TAFA1: variants seen among roughly 807,000 people sequenced by gnomAD.
TAFA1 encodes TAFA chemokine like family member 1.
In TAFA1, 4 loss-of-function variants were observed where a neutral mutation model predicts 18.5. The ratio of observed to expected loss-of-function variants is 0.22; its 90% confidence interval spans 0.11 to 0.49. The LOEUF (loss-of-function observed/expected upper bound fraction) is 0.49. TAFA1 is among the 20% of genes least tolerant of loss of function. TAFA1 has a pLI of 0.98. For missense variants in TAFA1, 147 were observed against 169.0 expected, an observed-to-expected ratio of 0.87 and a Z score of 0.72; for synonymous variants, 56 against 55.2, an observed-to-expected ratio of 1.01 and a Z score of -0.06.
At chr3:68,267,893 C>T (rs1384381324) in intron 2 of TAFA1, among the ~76,000 whole-genome samples, 1 of 152,106 alleles carries the variant, frequency 6.6e-6, no homozygotes, top group African/African-American at 2.4e-5. Flanking sequence ...CTCTGCTAGA[C>T]AATTGTCAGA....
chr3:68,496,456 A>C (rs1431678072), intron 3 of TAFA1, among the ~76,000 whole-genome samples: 2 of 152,134 alleles, frequency 1.3e-5, no homozygotes, highest in Non-Finnish European at 2.9e-5. Flanking sequence ...TGAGAAGCCC[A>C]AGCCACCTGG....
chr3:68,196,220 C>G (rs985399949), intron 2 of TAFA1, among the ~76,000 whole-genome samples: 3 of 151,746 alleles, frequency 2.0e-5, no homozygotes, highest in Non-Finnish European at 3.0e-5. Context: ...TAACTTTCCC[C>G]TAAGTCTTCA....
rs528561242 is a variant in TAFA1 at position 68,486,102 on chromosome 3, G to GTTTTATTTTATTTTA, written c.260-52624_260-52610dup. Reference sequence around the variant, plus strand: ...ATTTTATTTTATTTTATTTTATTTTGTTTTATTTTATTTTATTTTATTTTA... The same window carrying GTTTTATTTTATTTTA: ...ATTTTATTTTATTTTATTTTATTTTGTTTTATTTTATTTTATTTTATTTTATTTTATTTTATTTTA... On this transcript the variant is annotated intron_variant, in intron 3 of 4. Coordinates refer to ENST00000478136, the MANE Select transcript of TAFA1 (RefSeq NM_213609.4). Among the ~76,000 whole-genome samples, 983 of 121,356 alleles carry GTTTTATTTTATTTTA rather than the reference G, an allele frequency of 8.1e-3. 21 individuals are homozygous for GTTTTATTTTATTTTA. The highest frequency in any genetic ancestry group is 0.029 in the African/African-American group (915 of 32,072). 79.6% of individuals were successfully genotyped at this position (121,356 alleles called of 152,430 possible).
chr3:68,010,215 C>G (rs1262838397), intron 2 of TAFA1, among the ~76,000 whole-genome samples: 1 of 152,180 alleles, frequency 6.6e-6, no homozygotes, highest in African/African-American at 2.4e-5. Flanking sequence ...ATGGCTCCCC[C>G]CAATCCCCTC....
intron 3 of TAFA1, among the ~76,000 whole-genome samples, chr3:68,455,555 A>G (rs933446673): frequency 1.3e-5 from 2 of 152,032 alleles, no homozygotes; most frequent in African/African-American, 4.8e-5. Context: ...GTTTCGATGC[A>G]TTCATCTCCA....
At chr3:68,043,334 T>C (rs1248204786) in intron 2 of TAFA1, among the ~76,000 whole-genome samples, 1 of 152,222 alleles carries the variant, frequency 6.6e-6, no homozygotes, top group Non-Finnish European at 1.5e-5. Context: ...AAAGGGACTG[T>C]TAAAATTGTC....
At chr3:68,057,644 G>T (rs2064552453) in intron 2 of TAFA1, among the ~76,000 whole-genome samples, 1 of 152,186 alleles carries the variant, frequency 6.6e-6, no homozygotes, top group Non-Finnish European at 1.5e-5. Flanking sequence ...CACAGCAAAA[G>T]GGACTTTGCA....
chr3:68,051,423 A>G (rs2064470405), intron 2 of TAFA1, among the ~76,000 whole-genome samples: 1 of 152,150 alleles, frequency 6.6e-6, no homozygotes, highest in Non-Finnish European at 1.5e-5. Context: ...GTTATTAACC[A>G]GGGGCAATTT....
At chr3:68,500,704 A>G in intron 3 of TAFA1, among the ~76,000 whole-genome samples, 1 of 53,014 alleles carries the variant, frequency 1.9e-5, no homozygotes, top group Non-Finnish European at 3.4e-5. Context: ...CTGGTCTTTT[A>G]TGGAAAAAAA....
intron 2 of TAFA1, among the ~76,000 whole-genome samples, chr3:68,371,378 G>C (rs1023076549): frequency 3.3e-5 from 5 of 151,350 alleles, no homozygotes; most frequent in African/African-American, 7.3e-5. Context: ...CTCTCCCCTT[G>C]CCCCCAACCC....
chr3:68,527,728 G>A (rs1034876057), intron 3 of TAFA1, among the ~76,000 whole-genome samples: 2 of 151,984 alleles, frequency 1.3e-5, no homozygotes, highest in African/African-American at 4.8e-5. Context: ...GGAACTGTGT[G>A]TCTTGATTTT....
intron 3 of TAFA1, among the ~76,000 whole-genome samples, chr3:68,475,579 T>G (rs2072077396): frequency 6.6e-6 from 1 of 152,206 alleles, no homozygotes; most frequent in South Asian, 2.1e-4. Flanking sequence ...TTTGGGTTGG[T>G]TCCAAGTCTT....
At chr3:68,395,338 T>G (rs1313824811) in intron 2 of TAFA1, among the ~76,000 whole-genome samples, 1 of 152,194 alleles carries the variant, frequency 6.6e-6, no homozygotes, top group Non-Finnish European at 1.5e-5. Flanking sequence ...TTTACACTGT[T>G]GGTGAGAGTG....
intron 2 of TAFA1, among the ~76,000 whole-genome samples, chr3:68,210,724 A>G (rs2066586558): frequency 6.6e-6 from 1 of 151,982 alleles, no homozygotes; most frequent in Admixed American, 6.6e-5. Context: ...ACCTTTTTGT[A>G]ATGTTTACTA....
intron 2 of TAFA1, among the ~76,000 whole-genome samples, chr3:68,316,253 G>A (rs1411301549): frequency 6.6e-6 from 1 of 152,148 alleles, no homozygotes; most frequent in African/African-American, 2.4e-5. Context: ...TAATACCCAG[G>A]GGGTGAGGAG....
At chr3:68,342,297 A>G (rs2106755525) in intron 2 of TAFA1, among the ~76,000 whole-genome samples, 1 of 152,346 alleles carries the variant, frequency 6.6e-6, no homozygotes, top group South Asian at 2.1e-4. Context: ...CTTGATGCAG[A>G]ACAACAAAGT....
intron 3 of TAFA1, among the ~76,000 whole-genome samples, chr3:68,479,790 G>A (rs1373244275): frequency 6.6e-6 from 1 of 151,974 alleles, no homozygotes; most frequent in Non-Finnish European, 1.5e-5. Context: ...AATTAAATCA[G>A]TACAAGGAGT....
upstream of TAFA1, among the ~76,000 whole-genome samples, chr3:68,000,200 A>G (rs1704269717): frequency 6.6e-6 from 1 of 152,190 alleles, no homozygotes; most frequent in African/African-American, 2.4e-5. Context: ...CAAGCATTTT[A>G]TTGTCTACTA....
At chr3:68,371,560 T>G (rs527991599) in intron 2 of TAFA1, among the ~76,000 whole-genome samples, 13 of 152,308 alleles carry the variant, frequency 8.5e-5, no homozygotes, top group African/African-American at 2.9e-4. Flanking sequence ...ATGAATTCAT[T>G]CTTTTTTATG....
Sources: gnomAD v4.1 joint callset for allele counts (sites outside exome capture counted in the v4.1 genomes callset) on GRCh38, gnomAD v4.1.1 for gene constraint, MANE v1.5 for transcripts, NCBI Gene and HGNC (gene_info 2026-07-23, HGNC 2026-07-21) for gene names.